SGO1: variants seen among roughly 807,000 people sequenced by gnomAD.
SGO1 encodes the protein shugoshin 1.
SGO1 carries 39 observed loss-of-function variants against 50.5 expected under a neutral mutation model. The observed-to-expected ratio is 0.77, with a 90% CI of 0.60 to 1.01. The LOEUF is 1.01. SGO1 is among the 50% of genes least tolerant of loss of function. SGO1 has a pLI of 0.00. For missense variants in SGO1, 638 were observed against 606.0 expected (o/e 1.05, Z -0.55); for synonymous variants, 191 against 205.1 (o/e 0.93, Z 0.59).
chr3:20,166,238 A>T (rs1254562029), downstream of SGO1, among the ~76,000 whole-genome samples: 1 of 152,206 alleles, frequency 6.6e-6, no homozygotes, highest in Non-Finnish European at 1.5e-5. Flanking sequence ...TGGAAATCAC[A>T]TATCTGATAA....
In SGO1 at chr3:20,183,806, TAA is replaced by T. The variant is rs1368489336; in HGVS notation, c.143-4_143-3del. On this transcript the variant is annotated splice_polypyrimidine_tract_variant and splice_region_variant and intron_variant, in intron 2 of 7. Transcript: ENST00000412997. ...TTTTCAGCAGTGTAGAAGTGTTGGC[TAA>T]AAGAGGATAAAAAAATTTATCAGTT... 6.2e-7 allele frequency: 1 copy of T among 1,602,384 alleles called. No homozygotes were observed. Among genetic ancestry groups the T allele is most frequent in the Admixed American group, 1.8e-5 (1 of 56,212 alleles).
At chr3:20,162,643 A>G (rs897115022) in intron 8 of SGO1, among the ~76,000 whole-genome samples, 1 of 152,178 alleles carries the variant, frequency 6.6e-6, no homozygotes, top group Non-Finnish European at 1.5e-5. Flanking sequence ...ATAAAAGTTG[A>G]TCCAGAAATG....
chr3:20,168,363 T>C (rs1700411999), downstream of SGO1, among the ~76,000 whole-genome samples: 2 of 151,854 alleles, frequency 1.3e-5, no homozygotes, highest in Admixed American at 1.3e-4. Context: ...AAGAATATAA[T>C]GTAGGTACTT....
chr3:20,163,976 G>A (rs1700170164), intron 8 of SGO1, among the ~76,000 whole-genome samples: 1 of 152,106 alleles, frequency 6.6e-6, no homozygotes, highest in Non-Finnish European at 1.5e-5. Context: ...AAAAGTCCTA[G>A]CACAAATAGT....
intron 8 of SGO1, among the ~76,000 whole-genome samples, chr3:20,164,142 T>C (rs1266734844): frequency 1.3e-5 from 2 of 152,080 alleles, no homozygotes; most frequent in Admixed American, 1.3e-4. Context: ...ACAAGAAAAC[T>C]ATAGACCAAT....
At chr3:20,175,593 G>C (rs75532739) in intron 5 of SGO1, among the ~76,000 whole-genome samples, 1 of 151,484 alleles carries the variant, frequency 6.6e-6, no homozygotes, top group African/African-American at 2.4e-5. Context: ...TCAGGAGATC[G>C]AGACCATCCT....
downstream of SGO1, among the ~76,000 whole-genome samples, chr3:20,166,312 G>T (rs1700299067): frequency 6.6e-6 from 1 of 152,116 alleles, no homozygotes; most frequent in Non-Finnish European, 1.5e-5. Flanking sequence ...TATTGGATTT[G>T]AATAGACATT....
At chr3:20,164,683 T>C (rs1700204633), downstream of SGO1, among the ~76,000 whole-genome samples, 1 of 152,088 alleles carries the variant, frequency 6.6e-6, no homozygotes, top group Admixed American at 6.6e-5. Flanking sequence ...AAAATCCTAA[T>C]GGAACTGCAA....
chr3:20,183,724 CT>C lies in SGO1; in HGVS notation c.222del (p.Val75Ter), dbSNP rs1227346978. The C allele has an allele frequency of 6.2e-7, 1 of 1,613,600 alleles. No homozygotes were observed. On this transcript the variant is annotated frameshift_variant, in exon 3 of 8. Transcript: ENST00000412997. LOFTEE classifies it high-confidence loss of function. ...LVLALENEKS[K>X]VKEAQDIILQ... ...AGGATGATATCTTGGGCTTCTTTCA[CT>C]TTGGATTTTTCATTTTCCAAAGCTA...
chr3:20,182,350 C>A (rs368535254), intron 3 of SGO1, among the ~76,000 whole-genome samples: 10 of 145,528 alleles, frequency 6.9e-5, no homozygotes, highest in African/African-American at 2.5e-4. Context: ...CCCCCCATAT[C>A]CCTCCCCTAA....
rs140309229 is a variant in SGO1, at chr3:20,160,751, A to G, written c.*354T>C. ...TTCGCTTACACAATATCAAAGACTA[A>G]GATAACTTAAAAACTTTGACCCCTG... On this transcript the variant is annotated 3_prime_UTR_variant, in exon 9 of 9. Transcript: ENST00000263753. 7 of 160,782 alleles carry G rather than the reference A, an allele frequency of 4.4e-5. No homozygotes were observed. The East Asian group carries it at 1.3e-3, about 29-fold the overall frequency. 10.0% of individuals were successfully genotyped at this position (160,782 alleles called of 1,614,324 possible). A position where few individuals can be genotyped will look rare whatever the true frequency, so the allele number is the denominator to read the frequency against.
intron 5 of SGO1, among the ~76,000 whole-genome samples, chr3:20,175,843 G>C (rs1163981735): frequency 1.3e-5 from 2 of 151,664 alleles, no homozygotes; most frequent in African/African-American, 4.8e-5. Context: ...TTGGTTTAAA[G>C]AAAATGAATA....
At chr3:20,166,024 G>C (rs1700281749), downstream of SGO1, among the ~76,000 whole-genome samples, 1 of 152,154 alleles carries the variant, frequency 6.6e-6, no homozygotes, top group African/African-American at 2.4e-5. Context: ...CTGCACTCCA[G>C]CCTGGCTGAC....
chr3:20,180,443 T>C (rs955978922), intron 3 of SGO1, among the ~76,000 whole-genome samples: 33 of 152,220 alleles, frequency 2.2e-4, no homozygotes, highest in African/African-American at 7.9e-4. Context: ...TTCTCTAAGG[T>C]TGAGAGATAC....
chr3:20,171,771 A>G (rs1700770765), intron 6 of SGO1, among the ~76,000 whole-genome samples: 1 of 152,192 alleles, frequency 6.6e-6, no homozygotes, highest in African/African-American at 2.4e-5. Flanking sequence ...CCTTCTATTA[A>G]ATAAATGAGA....
At chr3:20,169,261 A>G (rs1700484414), downstream of SGO1, 2 of 985,132 alleles carry the variant, frequency 2.0e-6, no homozygotes, top group Admixed American at 6.2e-5. Flanking sequence ...TTACACAGAG[A>G]TAAGTTGGGA....
rs570109669 is a variant in SGO1 at position 20,181,713 on chromosome 3, C to G, written c.339+1895G>C. ...GAAGATTCAAATGCCTTTAGAGGAA[C>G]TGTTTCCCCCTACTAGTTGACTGAA... On this transcript the variant is annotated intron_variant, in intron 3 of 7. Coordinates refer to ENST00000412997, the MANE Select transcript of SGO1 (RefSeq NM_001199251.3). Among the ~76,000 whole-genome samples the G allele has an allele frequency of 2.0e-5, 3 of 152,274 alleles. No homozygotes were observed. The East Asian group carries it at 5.8e-4, about 29-fold the overall frequency.
chr3:20,174,018 A>G (rs1701071784), intron 6 of SGO1, among the ~76,000 whole-genome samples: 1 of 152,172 alleles, frequency 6.6e-6, no homozygotes, highest in Non-Finnish European at 1.5e-5. Context: ...CTGAAAATAA[A>G]AATTCTGTCT....
chr3:20,171,685 A>T (rs545471673), intron 6 of SGO1, among the ~76,000 whole-genome samples: 1 of 152,318 alleles, frequency 6.6e-6, no homozygotes, highest in South Asian at 2.1e-4. Flanking sequence ...TGCTATTTGG[A>T]ATCAAGTCCT....
Sources: gnomAD v4.1 joint callset for allele counts (sites outside exome capture counted in the v4.1 genomes callset) on GRCh38, gnomAD v4.1.1 for gene constraint, MANE v1.5 for transcripts, NCBI Gene and HGNC (gene_info 2026-07-23, HGNC 2026-07-21) for gene names.